The following DNAH12 variants were observed in gnomAD, a reference collection of about 807,000 sequenced individuals.
The protein encoded by DNAH12 is axonemal beta dynein heavy chain 12.
In DNAH12, 285 loss-of-function variants were observed where a neutral mutation model predicts 371.5. The observed-to-expected ratio is 0.77, with a 90% CI of 0.70 to 0.85. The LOEUF (loss-of-function observed/expected upper bound fraction) is 0.85. Among genes scored for constraint, DNAH12 ranks in the 40% least tolerant of loss-of-function variants. The pLI is 0.00. For synonymous variants in DNAH12, 1,200 were observed against 1,213.0 expected (o/e 0.99, Z 0.22); for missense variants, 3,611 against 3,689.4 (o/e 0.98, Z 0.55).
chr3:57,350,872 T>C (rs559239168), intron 60 of DNAH12, among the ~76,000 whole-genome samples: 1 of 152,306 alleles, frequency 6.6e-6, no homozygotes, highest in East Asian at 1.9e-4. Flanking sequence ...CCTATAAACA[T>C]GAACAAGTGT....
chr3:57,395,066 T>C (rs2063709014), intron 43 of DNAH12, among the ~76,000 whole-genome samples: 1 of 152,120 alleles, frequency 6.6e-6, no homozygotes, highest in African/African-American at 2.4e-5. Flanking sequence ...AAAAGGGAGG[T>C]AAATGCGTAA....
intron 17 of DNAH12, among the ~76,000 whole-genome samples, chr3:57,463,212 T>A (rs1230309261): frequency 6.6e-6 from 1 of 151,704 alleles, no homozygotes; most frequent in Non-Finnish European, 1.5e-5. Context: ...AATTTGAGGT[T>A]ACAGTGAGCT....
chr3:57,338,382 C>T (rs1016737485), intron 60 of DNAH12, among the ~76,000 whole-genome samples: 13 of 152,004 alleles, frequency 8.6e-5, no homozygotes, highest in East Asian at 3.9e-4. Flanking sequence ...ATGTGAGGAG[C>T]GCCTCTGCCC....
In DNAH12 at chr3:57,299,706, TTC is replaced by T. The variant is rs1206780797; in HGVS notation, c.11394+2027_11394+2028del. Among the ~76,000 whole-genome samples the T allele has an allele frequency of 2.0e-5, 3 of 152,164 alleles. No homozygotes were observed. The East Asian group carries it at 5.8e-4, about 29-fold the overall frequency. On this transcript the variant is annotated intron_variant, in intron 70 of 73. Transcript: ENST00000495027. ...ATAAGAAGAAACAGAAGAGACATTTTTCTCTTTTTCTCTCATCGTGAACCAGG... is the reference window on the plus strand; with the variant it reads ...ATAAGAAGAAACAGAAGAGACATTTTTCTTTTTCTCTCATCGTGAACCAGG...
chr3:57,460,367 A>T (rs1256382774), intron 19 of DNAH12, among the ~76,000 whole-genome samples: 1 of 152,168 alleles, frequency 6.6e-6, no homozygotes, highest in Non-Finnish European at 1.5e-5. Context: ...ATAAAATGAA[A>T]TAAGCCTCCT....
In DNAH12 at chr3:57,415,575, A is replaced by G. The variant is rs752495685; in HGVS notation, c.5715-11T>C. On this transcript the variant is annotated splice_polypyrimidine_tract_variant and intron_variant, in intron 37 of 73. Transcript: ENST00000495027. ...ACAAAAAGGAGTGGCCTTAATGAAA[A>G]CAATGAATATATTATTCAAAATGGA... The G allele has an allele frequency of 2.0e-6, 3 of 1,525,146 alleles. No homozygotes were observed. Among genetic ancestry groups the G allele is most frequent in the South Asian group, 2.5e-5 (2 of 78,498 alleles). 94.5% of individuals were successfully genotyped at this position (1,525,146 alleles called of 1,614,324 possible). A position where few individuals can be genotyped will look rare whatever the true frequency, so the allele number is the denominator to read the frequency against.
At chr3:57,301,642 G>T in intron 70 of DNAH12, 93 bp downstream of exon 70, 1 of 1,428,778 alleles carries the variant, frequency 7.0e-7, no homozygotes, top group African/African-American at 1.5e-5. Flanking sequence ...AATTTTACAT[G>T]TGTCTGTATA....
chr3:57,327,266 G>A (rs1304850870), intron 62 of DNAH12, among the ~76,000 whole-genome samples: 3 of 151,816 alleles, frequency 2.0e-5, no homozygotes, highest in East Asian at 3.9e-4. Flanking sequence ...ATTTTTTTCA[G>A]CACCACACTA....
chr3:57,393,625 CAAAAAAAAAAA>C lies in DNAH12; in HGVS notation c.7110+535_7110+545del, dbSNP rs1180952196. 7.9e-4 allele frequency among the ~76,000 whole-genome samples: 51 copies of C among 64,276 alleles called. 1 individual carries two copies. Among genetic ancestry groups the C allele is most frequent in the African/African-American group, 3.5e-3 (40 of 11,528 alleles). The allele number at this position is 64,276 out of a possible 152,430, so 42.2% of individuals were successfully genotyped here. On this transcript the variant is annotated intron_variant, in intron 44 of 73. Coordinates refer to ENST00000495027, the MANE Select transcript of DNAH12 (RefSeq NM_001366028.2). ...TGGGTGACAGAGCAAGACTCTGTCTCAAAAAAAAAAAAAAAAAAAAAAAAAAGAAAGAAAGA... is the reference window on the plus strand; with the variant it reads ...TGGGTGACAGAGCAAGACTCTGTCTCAAAAAAAAAAAAAAAGAAAGAAAGA...
At chr3:57,322,254 G>A (rs2061823871) in intron 65 of DNAH12, 89 bp downstream of exon 65, 2 of 1,298,504 alleles carry the variant, frequency 1.5e-6, no homozygotes, top group Non-Finnish European at 2.0e-6. Context: ...AAATAAAAAT[G>A]TTACAAAAGC....
At chr3:57,414,110 A>G (rs115521803) in intron 38 of DNAH12, among the ~76,000 whole-genome samples, 198 bp from the exon 39 acceptor site, 2,506 of 152,284 alleles carry the variant, frequency 0.016, 31 homozygotes, top group Admixed American at 0.034. Flanking sequence ...CCAGAAAAAA[A>G]AAGTTTAAGT....
chr3:57,359,341 T>G (rs1333818834), intron 58 of DNAH12, among the ~76,000 whole-genome samples: 1 of 151,194 alleles, frequency 6.6e-6, no homozygotes, highest in African/African-American at 2.4e-5. Flanking sequence ...GGGTGGATCA[T>G]CTGAGGTCCG....
At chr3:57,389,475 T>G (rs930059088) in intron 45 of DNAH12, among the ~76,000 whole-genome samples, 1 of 152,068 alleles carries the variant, frequency 6.6e-6, no homozygotes, top group African/African-American at 2.4e-5. Flanking sequence ...TATTATCAAG[T>G]ATTCACGTTC....
intron 13 of DNAH12, among the ~76,000 whole-genome samples, chr3:57,476,432 C>T (rs978115102): frequency 2.1e-4 from 32 of 152,110 alleles, no homozygotes; most frequent in African/African-American, 7.7e-4. Flanking sequence ...GGCGTGGTGG[C>T]GGGTGCCTGT....
rs756606736 is a variant in DNAH12, at chr3:57,310,704, G to A, written c.10896+13C>T. The A allele has an allele frequency of 4.0e-6, 6 of 1,513,822 alleles. No individual in the cohort carries two copies. The highest frequency in any genetic ancestry group is 1.4e-5 in the African/African-American group (1 of 72,038). The allele number at this position is 1,513,822 out of a possible 1,614,324, so 93.8% of individuals were successfully genotyped here. On this transcript the variant is annotated intron_variant, in intron 67 of 73. Coordinates refer to ENST00000495027, the MANE Select transcript of DNAH12 (RefSeq NM_001366028.2). The stretch of plus-strand genomic sequence containing the variant: ...ACACATTAATCTAACCTTATTTTTG[G>A]TGACATCATTACCTTAATGAATTCA...
At chr3:57,514,641 A>G (rs1024350704) in intron 4 of DNAH12, among the ~76,000 whole-genome samples, 1 of 152,116 alleles carries the variant, frequency 6.6e-6, no homozygotes, top group African/African-American at 2.4e-5. Context: ...CTTTTGGTAT[A>G]GTTCTGATTT....
In DNAH12 at chr3:57,415,568, A is replaced by C. The variant is rs1377363113; in HGVS notation, c.5715-4T>G. ...TGGACCCACAAAAAGGAGTGGCCTT[A>C]ATGAAAACAATGAATATATTATTCA... On this transcript the variant is annotated splice_region_variant and splice_polypyrimidine_tract_variant and intron_variant, in intron 37 of 73. Transcript: ENST00000495027. 1 of 1,526,210 alleles carries C rather than the reference A, an allele frequency of 6.6e-7. No individual in the cohort carries two copies. The allele number at this position is 1,526,210 out of a possible 1,614,324, so 94.5% of individuals were successfully genotyped here.
At chr3:57,495,505 G>A (rs76210059) in intron 11 of DNAH12, among the ~76,000 whole-genome samples, 7,602 of 151,036 alleles carry the variant, frequency 0.05, 284 homozygotes, top group South Asian at 0.09. Flanking sequence ...AGGTTTCAGG[G>A]AGCTGAGATA....
At chr3:57,496,523 C>T (rs1401158293) in intron 11 of DNAH12, among the ~76,000 whole-genome samples, 1 of 152,120 alleles carries the variant, frequency 6.6e-6, no homozygotes, top group African/African-American at 2.4e-5. Flanking sequence ...ATTTCATCCA[C>T]ATGATAAAGG....
Sources: allele counts gnomAD v4.1 joint callset (sites outside exome capture counted in the v4.1 genomes callset), GRCh38; gene constraint gnomAD v4.1.1; transcripts MANE v1.5; gene names NCBI Gene and HGNC (gene_info 2026-07-23, HGNC 2026-07-21).